The following RYR2 variants were observed in gnomAD, a reference collection of about 807,000 sequenced individuals.
RYR2 encodes ryanodine receptor 2.
A neutral mutation model predicts 601.1 loss-of-function variants in RYR2; 227 were observed. The ratio of observed to expected loss-of-function variants is 0.38; its 90% confidence interval spans 0.34 to 0.42. The LOEUF (loss-of-function observed/expected upper bound fraction) is 0.42. Among genes scored for constraint, RYR2 ranks in the 10% least tolerant of loss-of-function variants. The pLI is 1.00. For synonymous variants in RYR2, 2,223 were observed against 2,175.1 expected (o/e 1.02, Z -0.61); for missense variants, 4,646 against 6,156.5 (o/e 0.75, Z 8.21).
At chr1:237,592,556 C>A (rs1466018065) in intron 32 of RYR2, among the ~76,000 whole-genome samples, 2 of 150,804 alleles carry the variant, frequency 1.3e-5, no homozygotes, top group Admixed American at 1.3e-4. Context: ...TTGCTTGAAC[C>A]CAGGAGACAG....
intron 101 of RYR2, among the ~76,000 whole-genome samples, chr1:237,823,296 G>A (rs1662722225): frequency 6.6e-6 from 1 of 152,136 alleles, no homozygotes; most frequent in Admixed American, 6.5e-5. Flanking sequence ...ATGCTCCTCA[G>A]CAACTGCAAA....
At position 237,639,003 on chromosome 1, in the gene RYR2, A is replaced by G; in HGVS notation, c.6929-12A>G. The G allele has an allele frequency of 6.2e-7, 1 of 1,613,048 alleles. No individual in the cohort carries two copies. The highest frequency in any genetic ancestry group is 8.5e-7 in the Non-Finnish European group (1 of 1,179,446). ...TCATATTTGTTTACTTATCTTCCCCATTCTACTTTAGGGGAGAGTGTGGAG... is the reference window on the plus strand; with the variant it reads ...TCATATTTGTTTACTTATCTTCCCCGTTCTACTTTAGGGGAGAGTGTGGAG... On this transcript the variant is annotated splice_polypyrimidine_tract_variant and intron_variant, in intron 45 of 104. Coordinates refer to ENST00000366574, the MANE Select transcript of RYR2 (RefSeq NM_001035.3).
intron 10 of RYR2, among the ~76,000 whole-genome samples, chr1:237,412,913 T>C (rs1704588523): frequency 6.6e-6 from 1 of 152,162 alleles, no homozygotes; most frequent in South Asian, 2.1e-4. Context: ...TTTAGAACAA[T>C]TGTCCTCCTA....
At chr1:237,666,383 T>TAGAAACTTGCCAGTTTTATCTAAGG in intron 56 of RYR2, 129 bp from the exon 57 acceptor site, 1 of 733,912 alleles carries the variant, frequency 1.4e-6, no homozygotes, top group Non-Finnish European at 2.3e-6. Flanking sequence ...TCATTTTGTA[T>TAGAAACTTGCCAGTTTTATCTAAGG]AGAAACTTGC....
In RYR2 at chr1:237,226,188, G is replaced by T. The variant is rs181753507; in HGVS notation, c.49-44309G>T. Among the ~76,000 whole-genome samples the T allele has an allele frequency of 1.3e-3, 197 of 152,308 alleles. 1 individual carries two copies. The highest frequency in any genetic ancestry group is 6.8e-3 in the Middle Eastern group (2 of 294). ...AATGATGTTCAGGAACGGTTTTATG[G>T]CTCAGTGGGAAAATTGCATGTTGTT... On this transcript the variant is annotated intron_variant, in intron 1 of 104. Transcript: ENST00000366574.
At chr1:237,698,545 T>C (rs996561636) in intron 63 of RYR2, among the ~76,000 whole-genome samples, 1 of 152,154 alleles carries the variant, frequency 6.6e-6, no homozygotes, top group Non-Finnish European at 1.5e-5. Context: ...GAAAGCAGAA[T>C]TTTTGGTGCA....
intron 66 of RYR2, among the ~76,000 whole-genome samples, chr1:237,702,288 A>G (rs1038640139): frequency 6.6e-6 from 1 of 152,190 alleles, no homozygotes; most frequent in Non-Finnish European, 1.5e-5. Flanking sequence ...TAAAGACTAC[A>G]CTTAATATGA....
chr1:237,614,345 C>T lies in RYR2; in HGVS notation c.5217C>T (p.Phe1739=), dbSNP rs1385965325. 6.2e-7 allele frequency: 1 copy of T among 1,614,040 alleles called. No homozygotes were observed. Among genetic ancestry groups the T allele is most frequent in the Non-Finnish European group, 8.5e-7 (1 of 1,179,896 alleles). Residue 1739 remains phenylalanine, a synonymous_variant, in exon 37 of 105, where the codon TTC becomes TTT. Coordinates refer to ENST00000366574, the MANE Select transcript of RYR2 (RefSeq NM_001035.3). The surrounding 1 kb of genome is among the most constrained non-coding windows in gnomAD (Gnocchi z 4.3). Reference sequence around the variant, plus strand: ...AGGAGACGAAGAGCATCACCCTGTTCCCTGATGAGAACAAAAAACACGGCC... The same window carrying T: ...AGGAGACGAAGAGCATCACCCTGTTTCCTGATGAGAACAAAAAACACGGCC... The part of the protein sequence containing the change: ...MTEETKSITL[F]PDENKKHGLP...
chr1:237,162,114 A>C (rs1160480434), intron 1 of RYR2, among the ~76,000 whole-genome samples: 2 of 152,180 alleles, frequency 1.3e-5, no homozygotes, highest in Non-Finnish European at 2.9e-5. Flanking sequence ...CATCAGAGTG[A>C]GTAGTGGAGT....
At chr1:237,511,630 C>T (rs1404538441) in intron 23 of RYR2, 58 bp from the exon 24 acceptor site, 4 of 1,306,706 alleles carry the variant, frequency 3.1e-6, no homozygotes, top group African/African-American at 1.5e-5. Context: ...CAGTTGAATT[C>T]CATTGCTAGT....
chr1:237,391,722 C>T (rs1702400641), intron 10 of RYR2, among the ~76,000 whole-genome samples: 1 of 152,030 alleles, frequency 6.6e-6, no homozygotes, highest in Non-Finnish European at 1.5e-5. Context: ...TTACCTTTAC[C>T]TTCCTCTTCA....
chr1:237,556,907 A>AAC (rs1553500118), intron 27 of RYR2, among the ~76,000 whole-genome samples: 36 of 134,420 alleles, frequency 2.7e-4, no homozygotes, highest in African/African-American at 9.8e-4. Context: ...AAAAAAAAAA[A>AAC]AACCCTCTCA....
chr1:237,121,733 G>A (rs977981161), intron 1 of RYR2, among the ~76,000 whole-genome samples: 2 of 152,164 alleles, frequency 1.3e-5, no homozygotes, highest in Non-Finnish European at 2.9e-5. Flanking sequence ...TGTGAGAAAC[G>A]GAGGCCACCA....
At chr1:237,746,340 A>G (rs1304764107) in intron 80 of RYR2, among the ~76,000 whole-genome samples, 1 of 152,156 alleles carries the variant, frequency 6.6e-6, no homozygotes, top group East Asian at 1.9e-4. Flanking sequence ...CTGGTTAATT[A>G]TTAATATTTG....
intron 29 of RYR2, among the ~76,000 whole-genome samples, chr1:237,583,050 G>A (rs190969182): frequency 2.0e-5 from 3 of 152,082 alleles, no homozygotes; most frequent in East Asian, 3.9e-4. Context: ...CACCAACAGC[G>A]TATAAGCATT....
chr1:237,467,185 T>A (rs901276669), intron 16 of RYR2, among the ~76,000 whole-genome samples: 1 of 143,880 alleles, frequency 7.0e-6, no homozygotes, highest in African/African-American at 2.5e-5. Flanking sequence ...ATATATATTA[T>A]ATATATACCT....
chr1:237,630,408 A>G (rs1680124262), intron 41 of RYR2, among the ~76,000 whole-genome samples: 1 of 152,128 alleles, frequency 6.6e-6, no homozygotes, highest in Non-Finnish European at 1.5e-5. Context: ...TTGGGCATCA[A>G]GTTTTTTTTC....
intron 17 of RYR2, among the ~76,000 whole-genome samples, chr1:237,483,166 C>G (rs993904313): frequency 6.6e-6 from 1 of 152,142 alleles, no homozygotes; most frequent in African/African-American, 2.4e-5. Flanking sequence ...TCATAGATAT[C>G]TCCCCTGAAT....
intron 45 of RYR2, 71 bp from the exon 46 acceptor site, chr1:237,638,944 G>A (rs1681159815): frequency 6.6e-6 from 10 of 1,508,894 alleles, no homozygotes; most frequent in Non-Finnish European, 7.3e-6. Flanking sequence ...GAAATGATTA[G>A]TATAACATTT....
Sources: gnomAD v4.1 joint callset for allele counts (sites outside exome capture counted in the v4.1 genomes callset) on GRCh38, gnomAD v4.1.1 for gene constraint, Gnocchi (gnomAD v3.1) non-coding constraint, MANE v1.5 for transcripts, NCBI Gene and HGNC (gene_info 2026-07-23, HGNC 2026-07-21) for gene names.